The following SPHKAP variants were observed in gnomAD, a reference collection of about 807,000 sequenced individuals.
The protein encoded by SPHKAP is A-kinase anchor protein SPHKAP.
In SPHKAP, 67 loss-of-function variants were observed where a neutral mutation model predicts 137.5. The observed-to-expected ratio is 0.49, with a 90% CI of 0.40 to 0.60. The LOEUF is 0.60. SPHKAP is among the 20% of genes least tolerant of loss of function. The pLI is 0.00. For missense variants in SPHKAP, 2,097 were observed against 2,069.3 expected, an observed-to-expected ratio of 1.01 and a Z score of -0.26; for synonymous variants, 813 against 785.3, an observed-to-expected ratio of 1.04 and a Z score of -0.59.
At chr2:227,991,238 G>A in intron 10 of SPHKAP, 36 bp downstream of exon 10, 1 of 1,614,150 alleles carries the variant, frequency 6.2e-7, no homozygotes, top group South Asian at 1.1e-5. Context: ...GACAGCCCAG[G>A]CAATTGTGTG....
intron 7 of SPHKAP, among the ~76,000 whole-genome samples, chr2:227,998,138 C>A (rs967327252): frequency 7.2e-5 from 11 of 152,184 alleles, no homozygotes; most frequent in Non-Finnish European, 1.5e-4. Context: ...TCCCAAGTAG[C>A]TGGGATTACA....
chr2:228,123,953 T>C (rs368991398), intron 2 of SPHKAP, among the ~76,000 whole-genome samples: 43 of 152,262 alleles, frequency 2.8e-4, no homozygotes, highest in Middle Eastern at 3.4e-3. Context: ...CAAAAGAAGA[T>C]ATTTATGCAG....
chr2:228,126,142 T>G (rs2106368655), intron 2 of SPHKAP, among the ~76,000 whole-genome samples: 1 of 152,254 alleles, frequency 6.6e-6, no homozygotes, highest in South Asian at 2.1e-4. Context: ...ATGATAAATA[T>G]AATTCAAGGG....
At chr2:228,016,179 C>T (rs1412699278) in intron 7 of SPHKAP, among the ~76,000 whole-genome samples, 1 of 151,196 alleles carries the variant, frequency 6.6e-6, no homozygotes, top group Non-Finnish European at 1.5e-5. Context: ...TTTTTTATTA[C>T]ACTTTAAATT....
At chr2:228,084,242 C>T (rs180789445) in intron 3 of SPHKAP, among the ~76,000 whole-genome samples, 1 of 152,094 alleles carries the variant, frequency 6.6e-6, no homozygotes, top group African/African-American at 2.4e-5. Flanking sequence ...ATAGGCAGTG[C>T]ATGTTCATAA....
chr2:228,068,104 T>C (rs1230538591), intron 3 of SPHKAP, among the ~76,000 whole-genome samples: 1 of 152,008 alleles, frequency 6.6e-6, no homozygotes, highest in Non-Finnish European at 1.5e-5. Context: ...GAAAAAGAAG[T>C]TAAGAAAGCA....
chr2:228,050,672 G>C lies in SPHKAP; in HGVS notation c.247-23129C>G, dbSNP rs192481635. Among the ~76,000 whole-genome samples the C allele has an allele frequency of 6.6e-5, 10 of 152,274 alleles. No individual in the cohort carries two copies. The East Asian group carries it at 1.9e-3, about 29-fold the overall frequency. On this transcript the variant is annotated intron_variant, in intron 3 of 11. Coordinates refer to ENST00000392056, the MANE Select transcript of SPHKAP (RefSeq NM_001142644.2). ...ATTCTTTTCCTCTAGCGATTTTGAA[G>C]TGTAGAATTGATTAATGTTAACTCT...
At chr2:228,069,895 A>C (rs192475373) in intron 3 of SPHKAP, among the ~76,000 whole-genome samples, 98 of 152,292 alleles carry the variant, frequency 6.4e-4, no homozygotes, top group Admixed American at 1.4e-3. Flanking sequence ...CATTCAATAC[A>C]TCGTGGTGTT....
In SPHKAP at chr2:228,017,014, C is replaced by T. The variant is rs549557039; in HGVS notation, c.3840G>A (p.Ala1280=). 3.3e-5 allele frequency: 53 copies of T among 1,614,106 alleles called. No individual in the cohort carries two copies. Among genetic ancestry groups the T allele is most frequent in the South Asian group, 2.7e-4 (25 of 91,078 alleles). ...CAGATTTGCAGAGACCGGATGAGGA[C>T]GCGCTACTGACCGGCTGCACGCTTA... The part of the protein sequence containing the change: ...DFLSVQPVSS[A]SSSGLCKSDS... Residue 1280 remains alanine, a synonymous_variant, in exon 7 of 12, where the codon GCG becomes GCA. Coordinates refer to ENST00000392056, the MANE Select transcript of SPHKAP (RefSeq NM_001142644.2).
At chr2:228,175,955 G>A (rs1700727009) in intron 1 of SPHKAP, among the ~76,000 whole-genome samples, 1 of 152,170 alleles carries the variant, frequency 6.6e-6, no homozygotes, top group South Asian at 2.1e-4. Context: ...ATCATATTTA[G>A]AGGAGTTCAT....
At chr2:228,057,755 T>C (rs993897325) in intron 3 of SPHKAP, among the ~76,000 whole-genome samples, 2 of 152,128 alleles carry the variant, frequency 1.3e-5, no homozygotes, top group Admixed American at 1.3e-4. Context: ...ATGGTGGATA[T>C]TGAGGCCAGT....
intron 3 of SPHKAP, among the ~76,000 whole-genome samples, chr2:228,031,473 C>A (rs1393764119): frequency 6.6e-6 from 1 of 152,198 alleles, no homozygotes; most frequent in Non-Finnish European, 1.5e-5. Flanking sequence ...ACAGCAGTAA[C>A]CTCTGCAGAC....
At chr2:228,094,898 T>A (rs1171186691) in intron 3 of SPHKAP, among the ~76,000 whole-genome samples, 3 of 152,144 alleles carry the variant, frequency 2.0e-5, no homozygotes, top group South Asian at 4.1e-4. Context: ...GGTCTTTTTG[T>A]TTTTTTCTGT....
intron 8 of SPHKAP, among the ~76,000 whole-genome samples, chr2:227,995,019 AT>A (rs1212506725): frequency 8.5e-5 from 13 of 152,176 alleles, no homozygotes; most frequent in African/African-American, 3.1e-4. Flanking sequence ...TCCAAATCTG[AT>A]GTCTCTTAAT....
chr2:228,052,535 A>G (rs546269884), intron 3 of SPHKAP, among the ~76,000 whole-genome samples: 2 of 152,320 alleles, frequency 1.3e-5, no homozygotes, highest in East Asian at 3.9e-4. Flanking sequence ...TCAGAGCAAT[A>G]TCATTGAATT....
chr2:228,168,915 G>C (rs1700499790), intron 1 of SPHKAP, among the ~76,000 whole-genome samples: 1 of 152,110 alleles, frequency 6.6e-6, no homozygotes, highest in African/African-American at 2.4e-5. Context: ...CGAATGATAA[G>C]AAAAAGAAAC....
chr2:227,985,606 A>T (rs1693183058), intron 11 of SPHKAP, among the ~76,000 whole-genome samples: 1 of 152,218 alleles, frequency 6.6e-6, no homozygotes, highest in Admixed American at 6.5e-5. Flanking sequence ...TTTCACAATC[A>T]GTAATAATTA....
intron 3 of SPHKAP, among the ~76,000 whole-genome samples, chr2:228,081,528 A>G (rs1277911026): frequency 6.6e-6 from 1 of 152,244 alleles, no homozygotes; most frequent in Admixed American, 6.5e-5. Context: ...ATGATAGCTA[A>G]GAAATGGAAT....
At chr2:228,129,398 T>C (rs1322592872) in intron 2 of SPHKAP, among the ~76,000 whole-genome samples, 4 of 152,208 alleles carry the variant, frequency 2.6e-5, no homozygotes, top group Non-Finnish European at 2.9e-5. Flanking sequence ...GTTTAACTTA[T>C]GAATTATGAT....
Sources: allele counts gnomAD v4.1 joint callset (sites outside exome capture counted in the v4.1 genomes callset), GRCh38; gene constraint gnomAD v4.1.1; transcripts MANE v1.5; gene names NCBI Gene and HGNC (gene_info 2026-07-23, HGNC 2026-07-21).